The following GPC5 variants were observed in gnomAD, a reference collection of about 807,000 sequenced individuals.
GPC5 encodes glypican 5, also known as glypican-5.
In GPC5, 47 loss-of-function variants were observed where a neutral mutation model predicts 53.9. The observed-to-expected ratio is 0.87, with a 90% CI of 0.69 to 1.11. GPC5 has a LOEUF of 1.11. Ranked by LOEUF, GPC5 falls within the 50% of genes most tolerant of loss-of-function variation. The pLI, the probability that GPC5 is intolerant of heterozygous loss-of-function variation, is 0.00. For synonymous variants in GPC5, 286 were observed against 263.3 expected (o/e 1.09, Z -0.84); for missense variants, 748 against 713.1 (o/e 1.05, Z -0.56).
chr13:91,697,965 G>A (rs1269127529), intron 3 of GPC5, among the ~76,000 whole-genome samples: 1 of 150,194 alleles, frequency 6.7e-6, no homozygotes, highest in South Asian at 2.1e-4. Context: ...GCAATGGCGC[G>A]ATCTTGGCTC....
chr13:92,780,365 TTAATA>T (rs1030721616), intron 7 of GPC5, among the ~76,000 whole-genome samples: 3 of 146,586 alleles, frequency 2.0e-5, no homozygotes, highest in Non-Finnish European at 4.5e-5. Context: ...TATATTTCAC[TTAATA>T]TAATTAAGTG....
In GPC5 at chr13:92,184,171, C is replaced by T. The variant is rs1270165381; in HGVS notation, c.1561+39182C>T. 2.6e-5 allele frequency among the ~76,000 whole-genome samples: 4 copies of T among 151,822 alleles called. No individual in the cohort carries two copies. In the East Asian group the frequency reaches 7.7e-4, roughly 29 times the overall value. On this transcript the variant is annotated intron_variant, in intron 7 of 7. Coordinates refer to ENST00000377067, the MANE Select transcript of GPC5 (RefSeq NM_004466.6). ...CTTTTTCTTTTTTCTTTTGAGGAGG[C>T]TTCCAGTATGAGATACCATATAATG...
At chr13:91,786,588 G>A (rs1351315963) in intron 5 of GPC5, among the ~76,000 whole-genome samples, 1 of 152,050 alleles carries the variant, frequency 6.6e-6, no homozygotes, top group Admixed American at 6.5e-5. Context: ...CTTTGTGTAT[G>A]TGTCGTGTTT....
At chr13:91,491,529 A>G (rs1883942270) in intron 2 of GPC5, among the ~76,000 whole-genome samples, 1 of 152,114 alleles carries the variant, frequency 6.6e-6, no homozygotes, top group African/African-American at 2.4e-5. Context: ...GTCCTTTTTT[A>G]TTCCTTTCAA....
chr13:92,094,536 A>C (rs1476029231), intron 6 of GPC5, among the ~76,000 whole-genome samples: 3 of 150,984 alleles, frequency 2.0e-5, no homozygotes, highest in Non-Finnish European at 4.4e-5. Flanking sequence ...AAAAAAAAAA[A>C]AAAAAAAAAT....
intron 6 of GPC5, among the ~76,000 whole-genome samples, chr13:91,970,866 G>A (rs1487598299): frequency 6.6e-6 from 1 of 152,146 alleles, no homozygotes; most frequent in Non-Finnish European, 1.5e-5. Flanking sequence ...GATTCGGTTT[G>A]CCAGTATTTT....
chr13:92,005,543 T>A (rs888837897), intron 6 of GPC5, among the ~76,000 whole-genome samples: 3 of 152,172 alleles, frequency 2.0e-5, no homozygotes, highest in Non-Finnish European at 4.4e-5. Flanking sequence ...CCTCCTCTTA[T>A]CCCTAATTTT....
chr13:92,041,358 C>T (rs1475949119), intron 6 of GPC5, among the ~76,000 whole-genome samples: 4 of 152,156 alleles, frequency 2.6e-5, no homozygotes, highest in Non-Finnish European at 4.4e-5. Context: ...ACGTACTAGT[C>T]TAAACCACAT....
At chr13:92,694,761 T>G (rs1887510227) in intron 7 of GPC5, among the ~76,000 whole-genome samples, 1 of 152,172 alleles carries the variant, frequency 6.6e-6, no homozygotes, top group Non-Finnish European at 1.5e-5. Flanking sequence ...CTTTGGGGGA[T>G]TCTTGGGAAG....
intron 7 of GPC5, among the ~76,000 whole-genome samples, chr13:92,444,271 T>A (rs904260763): frequency 2.0e-5 from 3 of 152,246 alleles, no homozygotes; most frequent in South Asian, 4.1e-4. Context: ...GAGGGCACAG[T>A]TTGTGTCAGG....
chr13:92,070,091 A>G (rs753889687), intron 6 of GPC5, among the ~76,000 whole-genome samples: 3 of 152,124 alleles, frequency 2.0e-5, no homozygotes, highest in Non-Finnish European at 4.4e-5. Flanking sequence ...AAAGGCAGAG[A>G]TATTTGAAAT....
At chr13:91,772,825 C>T (rs1175759357) in intron 5 of GPC5, among the ~76,000 whole-genome samples, 1 of 152,046 alleles carries the variant, frequency 6.6e-6, no homozygotes, top group Non-Finnish European at 1.5e-5. Flanking sequence ...AGAGTAGGGT[C>T]CCAGATTCTA....
intron 7 of GPC5, among the ~76,000 whole-genome samples, chr13:92,725,612 A>C (rs1201806824): frequency 2.0e-5 from 3 of 151,608 alleles, no homozygotes; most frequent in African/African-American, 7.3e-5. Flanking sequence ...AACTGTTAAT[A>C]ATCCAAAATG....
intron 5 of GPC5, among the ~76,000 whole-genome samples, chr13:91,832,300 C>CTTTTTTTTTT (rs55698516): frequency 4.9e-5 from 6 of 122,988 alleles, no homozygotes; most frequent in Admixed American, 8.4e-5. Flanking sequence ...GCTTTTTTCT[C>CTTTTTTTTTT]TTTTTTTTTT....
intron 6 of GPC5, among the ~76,000 whole-genome samples, chr13:92,023,260 C>A (rs2040773757): frequency 6.6e-6 from 1 of 151,994 alleles, no homozygotes; most frequent in Non-Finnish European, 1.5e-5. Context: ...CAAATTACAT[C>A]ATGAACAATT....
chr13:92,828,944 A>G lies in GPC5; in HGVS notation c.1562-37338A>G, dbSNP rs1034743784. 6.6e-5 allele frequency among the ~76,000 whole-genome samples: 10 copies of G among 152,328 alleles called. 1 individual carries two copies. Among genetic ancestry groups the G allele is most frequent in the Non-Finnish European group, 1.0e-4 (7 of 68,034 alleles). ...AAAAGCTTAGACTTCGCCACCACGC[A>G]ATACATCCATGTTACATCCATGTAA... On this transcript the variant is annotated intron_variant, in intron 7 of 7. Transcript: ENST00000377067.
chr13:92,577,892 C>T (rs548553629), intron 7 of GPC5, among the ~76,000 whole-genome samples: 3 of 152,048 alleles, frequency 2.0e-5, no homozygotes, highest in Admixed American at 6.6e-5. Flanking sequence ...AAAGAAGGGG[C>T]TTTATTATGT....
intron 7 of GPC5, among the ~76,000 whole-genome samples, chr13:92,715,080 T>C (rs905185612): frequency 1.3e-5 from 2 of 152,086 alleles, no homozygotes; most frequent in Non-Finnish European, 2.9e-5. Context: ...AAAAAAAGAA[T>C]TGGTTAAGCA....
At chr13:91,614,561 G>C (rs574461943) in intron 2 of GPC5, among the ~76,000 whole-genome samples, 1 of 152,020 alleles carries the variant, frequency 6.6e-6, no homozygotes, top group South Asian at 2.1e-4. Context: ...TGAGCTCCTA[G>C]AGATGAATGA....
Sources: gnomAD v4.1 joint callset for allele counts (sites outside exome capture counted in the v4.1 genomes callset) on GRCh38, gnomAD v4.1.1 for gene constraint, MANE v1.5 for transcripts, NCBI Gene and HGNC (gene_info 2026-07-23, HGNC 2026-07-21) for gene names.